CNTN6: variants seen among roughly 807,000 people sequenced by gnomAD.
The protein encoded by CNTN6 is contactin 6.
A neutral mutation model predicts 122.8 loss-of-function variants in CNTN6; 137 were observed. The ratio of observed to expected loss-of-function variants is 1.12; its 90% CI spans 0.97 to 1.29. CNTN6 has a LOEUF of 1.29. Among genes scored for constraint, CNTN6 ranks in the 50% most tolerant of loss-of-function variants. The pLI, the probability that CNTN6 is intolerant of heterozygous loss-of-function variation, is 0.00. For synonymous variants in CNTN6, 570 were observed against 426.0 expected (o/e 1.34, Z -4.16); for missense variants, 1,634 against 1,223.4 (o/e 1.34, Z -5.01).
intron 4 of CNTN6, among the ~76,000 whole-genome samples, chr3:1,247,518 G>A (rs1016579828): frequency 6.6e-6 from 1 of 151,908 alleles, no homozygotes; most frequent in Non-Finnish European, 1.5e-5. Flanking sequence ...GAGAACCAGA[G>A]GAGAATAAAA....
intron 4 of CNTN6, among the ~76,000 whole-genome samples, chr3:1,256,942 T>C (rs577877264): frequency 6.6e-6 from 1 of 152,266 alleles, no homozygotes; most frequent in African/African-American, 2.4e-5. Flanking sequence ...ATTTTAAATG[T>C]GAATGCATCT....
At position 1,212,487 on chromosome 3, in the gene CNTN6, A is replaced by G. The variant is rs564909379; in HGVS notation, c.56-8200A>G. On this transcript the variant is annotated intron_variant, in intron 2 of 22. Transcript: ENST00000446702. ...TATATATACACATACATGTGTGTGT[A>G]TATATATACATGTGTGTATATATAT... is the stretch of plus-strand genomic sequence containing the variant. Among the ~76,000 whole-genome samples the G allele has an allele frequency of 7.6e-4, 92 of 121,174 alleles. 1 individual carries two copies. The highest frequency in any genetic ancestry group is 3.5e-3 in the Admixed American group (32 of 9,038). 79.5% of individuals were successfully genotyped at this position (121,174 alleles called of 152,430 possible).
chr3:1,352,413 T>C lies in CNTN6; in HGVS notation c.1454T>C (p.Phe485Ser). ...GSYTCIATNQ[F>S]GTAKNTGSLI... ...TATACATGCATAGCCACAAATCAGTTTGGCACTGCAAAGAACACTGGCAGC... is the reference window on the plus strand; with the variant it reads ...TATACATGCATAGCCACAAATCAGTCTGGCACTGCAAAGAACACTGGCAGC... The change falls in exon 12 of 23, where the codon TTT becomes TCT. Residue 485 changes from phenylalanine to serine, a missense_variant. Coordinates refer to ENST00000446702, the MANE Select transcript of CNTN6 (RefSeq NM_001289080.2). 1 of 1,609,762 alleles carries C rather than the reference T, an allele frequency of 6.2e-7. No homozygotes were observed. Among genetic ancestry groups the C allele is most frequent in the Non-Finnish European group, 8.5e-7 (1 of 1,177,198 alleles).
intron 11 of CNTN6, among the ~76,000 whole-genome samples, chr3:1,344,321 G>C (rs1273518742): frequency 6.6e-6 from 1 of 152,102 alleles, no homozygotes; most frequent in Non-Finnish European, 1.5e-5. Context: ...TGACATCGTA[G>C]GTTGTCAGCT....
intron 2 of CNTN6, among the ~76,000 whole-genome samples, chr3:1,204,466 C>T (rs368904069): frequency 2.0e-5 from 3 of 152,152 alleles, no homozygotes; most frequent in South Asian, 2.1e-4. Flanking sequence ...TACAAATAGG[C>T]TTGTCTCTTT....
chr3:1,140,156 G>GAAC (rs891115006), intron 1 of CNTN6, among the ~76,000 whole-genome samples: 1 of 152,112 alleles, frequency 6.6e-6, no homozygotes, highest in African/African-American at 2.4e-5. Context: ...ACCTTTTTAG[G>GAAC]AACGGAAAGT....
At chr3:1,256,476 A>G (rs1339269716) in intron 4 of CNTN6, among the ~76,000 whole-genome samples, 1 of 152,154 alleles carries the variant, frequency 6.6e-6, no homozygotes, top group Non-Finnish European at 1.5e-5. Flanking sequence ...AGACTTGAAG[A>G]ACTACTTTGA....
chr3:1,145,046 T>A (rs2092695389), intron 1 of CNTN6, among the ~76,000 whole-genome samples: 1 of 152,176 alleles, frequency 6.6e-6, no homozygotes, highest in African/African-American at 2.4e-5. Flanking sequence ...TGGGTCTATG[T>A]GTATTATAAC....
intron 4 of CNTN6, among the ~76,000 whole-genome samples, chr3:1,239,832 A>G (rs1316707319): frequency 1.3e-5 from 2 of 152,202 alleles, no homozygotes; most frequent in Non-Finnish European, 2.9e-5. Context: ...AGGCACATAG[A>G]CCAATGGAAC....
At chr3:1,099,868 TAAA>T (rs1229622829) in intron 1 of CNTN6, among the ~76,000 whole-genome samples, 1 of 152,178 alleles carries the variant, frequency 6.6e-6, no homozygotes, top group African/African-American at 2.4e-5. Context: ...TTTTATTAGT[TAAA>T]AATGGTATAC....
At chr3:1,206,484 C>G (rs1163293788) in intron 2 of CNTN6, among the ~76,000 whole-genome samples, 1 of 152,100 alleles carries the variant, frequency 6.6e-6, no homozygotes, top group Non-Finnish European at 1.5e-5. Context: ...AAGGTATTGT[C>G]TTCTCCCTCT....
chr3:1,385,359 T>C (rs1004934578), intron 19 of CNTN6, among the ~76,000 whole-genome samples: 8 of 146,666 alleles, frequency 5.5e-5, no homozygotes, highest in Middle Eastern at 3.4e-3. Flanking sequence ...TAAAATACTT[T>C]ATTTTGGTAA....
intron 1 of CNTN6, among the ~76,000 whole-genome samples, chr3:1,139,250 A>G (rs2125131192): frequency 6.6e-6 from 1 of 152,246 alleles, no homozygotes; most frequent in East Asian, 1.9e-4. Flanking sequence ...AGATTTCCCA[A>G]TCTCTGCTTT....
At chr3:1,292,345 T>C (rs1218203743) in intron 5 of CNTN6, among the ~76,000 whole-genome samples, 1 of 152,138 alleles carries the variant, frequency 6.6e-6, no homozygotes, top group Non-Finnish European at 1.5e-5. Flanking sequence ...ATCACTATGT[T>C]TTGTGACTGG....
chr3:1,344,336 A>C (rs1297210985), intron 11 of CNTN6, among the ~76,000 whole-genome samples: 1 of 152,162 alleles, frequency 6.6e-6, no homozygotes, highest in Non-Finnish European at 1.5e-5. Context: ...TCAGCTACAT[A>C]GGTTGCTTCC....
chr3:1,387,653 G>T (rs188323604), intron 20 of CNTN6, among the ~76,000 whole-genome samples: 21 of 152,182 alleles, frequency 1.4e-4, no homozygotes, highest in South Asian at 1.2e-3. Context: ...TGAGGTACCC[G>T]GTTCATCTCA....
At chr3:1,369,428 T>G (rs747920805) in intron 12 of CNTN6, among the ~76,000 whole-genome samples, 3 of 150,460 alleles carry the variant, frequency 2.0e-5, no homozygotes. Context: ...TTGACTCCAG[T>G]ACTTAGCATA....
chr3:1,168,986 G>T (rs998803717), intron 2 of CNTN6, among the ~76,000 whole-genome samples: 2 of 152,060 alleles, frequency 1.3e-5, no homozygotes, highest in African/African-American at 4.8e-5. Flanking sequence ...TTAAAAAGGC[G>T]TATTCCTGGC....
At chr3:1,155,488 T>C (rs1417607374) in intron 2 of CNTN6, among the ~76,000 whole-genome samples, 1 of 152,198 alleles carries the variant, frequency 6.6e-6, no homozygotes, top group Non-Finnish European at 1.5e-5. Context: ...GGATTTTTTT[T>C]TTAATTTTTA....
Sources: gnomAD v4.1 joint callset for allele counts (sites outside exome capture counted in the v4.1 genomes callset) on GRCh38, gnomAD v4.1.1 for gene constraint, MANE v1.5 for transcripts, NCBI Gene and HGNC (gene_info 2026-07-23, HGNC 2026-07-21) for gene names.